Variants in HECW1 observed in about 807,000 individuals in gnomAD.
HECW1 encodes HECT, C2 and WW domain containing E3 ubiquitin protein ligase 1.
In HECW1, 61 loss-of-function variants were observed where a neutral mutation model predicts 182.3. The ratio of observed to expected loss-of-function variants is 0.33; its 90% CI spans 0.27 to 0.41. The LOEUF is 0.41. Ranked by LOEUF, HECW1 falls within the 10% of genes least tolerant of loss-of-function variation. HECW1 has a pLI of 1.00. For synonymous variants in HECW1, 859 were observed against 832.6 expected (o/e 1.03, Z -0.55); for missense variants, 1,739 against 2,108.9 (o/e 0.82, Z 3.44).
At position 43,394,963 on chromosome 7, in the gene HECW1, A is replaced by G. The variant is rs1403580327; in HGVS notation, c.556-1851A>G. Among the ~76,000 whole-genome samples the G allele has an allele frequency of 2.0e-5, 3 of 151,988 alleles. No individual in the cohort carries two copies. The East Asian group carries it at 5.8e-4, about 29-fold the overall frequency. Reference sequence around the variant, plus strand: ...AGCCAGGAATGCTGATTGGTCAGAGATGAAATCATAGGGAGTCGGAGCTGT... The same window carrying G: ...AGCCAGGAATGCTGATTGGTCAGAGGTGAAATCATAGGGAGTCGGAGCTGT... On this transcript the variant is annotated intron_variant, in intron 6 of 29. Coordinates refer to ENST00000395891, the MANE Select transcript of HECW1 (RefSeq NM_015052.5).
chr7:43,444,754 G>T lies in HECW1; in HGVS notation c.1582G>T (p.Val528Leu). Residue 528 changes from valine (V) to leucine (L), a missense_variant, in exon 11 of 30, where the codon GTG becomes TTG. Physicochemically the swap from Val to Leu is conservative, Grantham distance 32 (BLOSUM62 1). Transcript: ENST00000395891. This position sits in a 1 kb window ranked among gnomAD's most constrained non-coding sequence, Gnocchi z 4.3. ...GEGRLQLRAS[V>L]KRKSRPCSLP... ...GGGCAGGCTGCAGCTGCGGGCCTCG[G>T]TGAAGAGAAAAAGCAGGCCCTGCTC... 1 of 1,614,004 alleles carries T rather than the reference G, an allele frequency of 6.2e-7. No homozygotes were observed. The highest frequency in any genetic ancestry group is 1.1e-5 in the South Asian group (1 of 91,072).
At chr7:43,133,441 C>T (rs994087846) in intron 2 of HECW1, among the ~76,000 whole-genome samples, 1 of 151,908 alleles carries the variant, frequency 6.6e-6, no homozygotes, top group Non-Finnish European at 1.5e-5. Flanking sequence ...ATTCATTAAT[C>T]TTATGGTTAT....
At chr7:43,291,701 C>G (rs1805426405) in intron 3 of HECW1, among the ~76,000 whole-genome samples, 1 of 152,186 alleles carries the variant, frequency 6.6e-6, no homozygotes, top group Non-Finnish European at 1.5e-5. Context: ...TTTATGAATT[C>G]TTAGCTGGGA....
intron 2 of HECW1, among the ~76,000 whole-genome samples, chr7:43,232,998 T>C (rs1798013754): frequency 6.6e-6 from 1 of 152,192 alleles, no homozygotes; most frequent in African/African-American, 2.4e-5. Context: ...TTCAGAGTTG[T>C]GGAGATGAGT....
intron 3 of HECW1, among the ~76,000 whole-genome samples, chr7:43,260,561 A>C (rs375141065): frequency 3.3e-5 from 5 of 152,308 alleles, no homozygotes; most frequent in African/African-American, 1.2e-4. Flanking sequence ...GTGTTTGAAA[A>C]ATTCTGGATA....
chr7:43,360,215 CTTTT>C (rs5883864), intron 5 of HECW1, among the ~76,000 whole-genome samples: 1 of 141,974 alleles, frequency 7.0e-6, no homozygotes, highest in Non-Finnish European at 1.5e-5. Context: ...ATAGAACTTT[CTTTT>C]TTTTTTTTTT....
chr7:43,300,620 A>G (rs1806632749), intron 3 of HECW1, among the ~76,000 whole-genome samples: 1 of 152,170 alleles, frequency 6.6e-6, no homozygotes, highest in African/African-American at 2.4e-5. Flanking sequence ...TGCTCTCATA[A>G]ATGCTCTGAG....
intron 2 of HECW1, among the ~76,000 whole-genome samples, chr7:43,226,596 A>G (rs985312225): frequency 2.6e-5 from 4 of 152,312 alleles, no homozygotes; most frequent in Non-Finnish European, 4.4e-5. Flanking sequence ...TCACAGACCA[A>G]ACCATTAGGG....
chr7:43,353,667 G>A (rs534494335), intron 5 of HECW1, among the ~76,000 whole-genome samples: 41 of 152,192 alleles, frequency 2.7e-4, no homozygotes, highest in African/African-American at 9.4e-4. Context: ...CAAGTGCATG[G>A]AAAATTTTTC....
intron 26 of HECW1, among the ~76,000 whole-genome samples, chr7:43,550,164 T>A (rs2081748607): frequency 6.6e-6 from 1 of 152,042 alleles, no homozygotes; most frequent in Admixed American, 6.5e-5. Context: ...GGGGCTTGTC[T>A]GTGGTCCCAG....
Position 43,522,788 on chromosome 7 carries a change from C to T in HECW1, c.4019+13667C>T, listed in dbSNP as rs141424870. 8.5e-3 allele frequency among the ~76,000 whole-genome samples: 1,293 copies of T among 152,242 alleles called. 23 individuals carry two copies. The highest frequency in any genetic ancestry group is 0.03 in the African/African-American group (1,231 of 41,532). ...TGAACTCAGCCCACAAGAATGTGCACGGAGCACAGGGAATGACAGCAATGC... is the reference window on the plus strand; with the variant it reads ...TGAACTCAGCCCACAAGAATGTGCATGGAGCACAGGGAATGACAGCAATGC... On this transcript the variant is annotated intron_variant, in intron 24 of 29. Coordinates refer to ENST00000395891, the MANE Select transcript of HECW1 (RefSeq NM_015052.5).
At chr7:43,175,031 T>C (rs1191205618) in intron 2 of HECW1, among the ~76,000 whole-genome samples, 1 of 152,228 alleles carries the variant, frequency 6.6e-6, no homozygotes, top group African/African-American at 2.4e-5. Context: ...GAGGTACCTA[T>C]GGGCTCCCCA....
intron 7 of HECW1, among the ~76,000 whole-genome samples, chr7:43,407,233 T>C (rs2075641288): frequency 6.6e-6 from 1 of 152,186 alleles, no homozygotes; most frequent in Non-Finnish European, 1.5e-5. Context: ...CTCTCCTTTC[T>C]CTTTATTTCT....
intron 2 of HECW1, among the ~76,000 whole-genome samples, chr7:43,119,725 C>T (rs972567857): frequency 6.6e-6 from 1 of 152,058 alleles, no homozygotes; most frequent in African/African-American, 2.4e-5. Flanking sequence ...CTGGTGTCCT[C>T]CATCTCTCTC....
intron 8 of HECW1, among the ~76,000 whole-genome samples, chr7:43,423,078 A>G (rs896717520): frequency 1.3e-5 from 2 of 152,240 alleles, no homozygotes; most frequent in Admixed American, 6.5e-5. Context: ...TAATTTAATC[A>G]GACATTAAAG....
At chr7:43,198,426 TACTC>T (rs530641541) in intron 2 of HECW1, among the ~76,000 whole-genome samples, 69 of 132,702 alleles carry the variant, frequency 5.2e-4, no homozygotes, top group Non-Finnish European at 9.3e-4. Context: ...CTTACACTCA[TACTC>T]ACATTCACAC....
intron 2 of HECW1, among the ~76,000 whole-genome samples, chr7:43,185,096 C>G (rs901831305): frequency 6.6e-6 from 1 of 151,974 alleles, no homozygotes; most frequent in African/African-American, 2.4e-5. Flanking sequence ...CAGATGCAAA[C>G]CCTATCAATG....
intron 8 of HECW1, among the ~76,000 whole-genome samples, chr7:43,417,795 C>G (rs940198291): frequency 6.6e-6 from 1 of 152,140 alleles, no homozygotes; most frequent in East Asian, 1.9e-4. Flanking sequence ...TCCTATCTGT[C>G]AGGTGTCAGT....
intron 24 of HECW1, among the ~76,000 whole-genome samples, chr7:43,536,825 A>G (rs2152951171): frequency 6.6e-6 from 1 of 152,070 alleles, no homozygotes; most frequent in East Asian, 1.9e-4. Context: ...GGCCCAGGCA[A>G]CTCCTCCGCG....
Sources: gnomAD v4.1 joint callset for allele counts (sites outside exome capture counted in the v4.1 genomes callset) on GRCh38, gnomAD v4.1.1 for gene constraint, Gnocchi (gnomAD v3.1) non-coding constraint, MANE v1.5 for transcripts, NCBI Gene and HGNC (gene_info 2026-07-23, HGNC 2026-07-21) for gene names.